The following DOK6 variants were observed in gnomAD, a reference collection of about 807,000 sequenced individuals.
DOK6 encodes the protein docking protein 6, also known as downstream of tyrosine kinase 6.
A neutral mutation model predicts 44.0 loss-of-function variants in DOK6; 22 were observed. That is an observed-to-expected ratio of 0.50 (90% CI 0.36 to 0.71). The LOEUF (loss-of-function observed/expected upper bound fraction) is 0.71. Among genes scored for constraint, DOK6 ranks in the 30% least tolerant of loss-of-function variants. The pLI is 0.00. For synonymous variants in DOK6, 166 were observed against 145.5 expected, an observed-to-expected ratio of 1.14 and a Z score of -1.01; for missense variants, 340 against 416.4, an observed-to-expected ratio of 0.82 and a Z score of 1.60.
At chr18:69,643,733 G>T (rs753470206) in intron 3 of DOK6, 4 of 152,094 alleles carry the variant, frequency 2.6e-5, no homozygotes, top group African/African-American at 7.2e-5. Flanking sequence ...GGATTTATGT[G>T]GACATGTTTT....
intron 5 of DOK6, among the ~76,000 whole-genome samples, chr18:69,719,256 G>T (rs71370311): frequency 0.046 from 7,071 of 152,244 alleles, 172 homozygotes; most frequent in Middle Eastern, 0.058. Flanking sequence ...ATTGGTTGGG[G>T]ATAAAAATCA....
At chr18:69,743,666 A>G (rs35850103) in intron 6 of DOK6, among the ~76,000 whole-genome samples, 81,341 of 151,594 alleles carry the variant, frequency 0.54, 24,770 homozygotes, top group East Asian at 0.69. Context: ...CAAGAATGAG[A>G]AAAAAAAAGA....
intron 1 of DOK6, among the ~76,000 whole-genome samples, chr18:69,486,053 A>G (rs1403353140): frequency 1.3e-5 from 2 of 151,506 alleles, no homozygotes; most frequent in South Asian, 2.1e-4. Context: ...AATAACACAT[A>G]TGAAGCAGGG....
At chr18:69,616,275 G>T (rs1280877182) in intron 3 of DOK6, among the ~76,000 whole-genome samples, 3 of 152,070 alleles carry the variant, frequency 2.0e-5, no homozygotes, top group Non-Finnish European at 2.9e-5. Context: ...ACTCATGACT[G>T]TCTGCTCTGC....
At chr18:69,730,309 T>G (rs570364134) in intron 5 of DOK6, among the ~76,000 whole-genome samples, 1 of 152,312 alleles carries the variant, frequency 6.6e-6, no homozygotes, top group East Asian at 1.9e-4. Flanking sequence ...AGGGGATAAG[T>G]CTAGTTGGGA....
At chr18:69,442,610 A>G (rs936129512) in intron 1 of DOK6, among the ~76,000 whole-genome samples, 2 of 152,120 alleles carry the variant, frequency 1.3e-5, no homozygotes, top group Admixed American at 1.3e-4. Context: ...TCAAGATGAG[A>G]TTTGGGTGGG....
intron 2 of DOK6, among the ~76,000 whole-genome samples, chr18:69,574,047 G>C (rs374912324): frequency 3.4e-4 from 51 of 152,098 alleles, no homozygotes; most frequent in Middle Eastern, 3.4e-3. Context: ...CCAAGGAAAA[G>C]AGATCTGCCC....
chr18:69,447,487 G>A (rs1568260982), intron 1 of DOK6, among the ~76,000 whole-genome samples: 4 of 152,166 alleles, frequency 2.6e-5, no homozygotes, highest in Non-Finnish European at 4.4e-5. Flanking sequence ...GTCAGGTAAC[G>A]TGATGCCTCC....
intron 3 of DOK6, among the ~76,000 whole-genome samples, chr18:69,611,241 T>C (rs1338990409): frequency 3.3e-5 from 5 of 152,180 alleles, no homozygotes; most frequent in Non-Finnish European, 7.3e-5. Context: ...AAATTAAAAC[T>C]GCAGTGAGGT....
intron 5 of DOK6, among the ~76,000 whole-genome samples, chr18:69,710,537 T>G (rs1986732455): frequency 6.6e-6 from 1 of 152,202 alleles, no homozygotes; most frequent in Admixed American, 6.5e-5. Context: ...GAACTTAATT[T>G]GTGTGGTAGA....
chr18:69,657,842 CT>C (rs1985408499), intron 3 of DOK6, among the ~76,000 whole-genome samples: 1 of 152,166 alleles, frequency 6.6e-6, no homozygotes, highest in Admixed American at 6.5e-5. Flanking sequence ...TAACTGGAAC[CT>C]TTCTGTTGGT....
Position 69,795,141 on chromosome 18 carries a change from C to A in DOK6, c.856+37268C>A, listed in dbSNP as rs1029193805. ...GTCCCTGGTGCTAAAAGGTTGTGGG[C>A]GTCTGATATAGTTTCATTTACAATA... is the stretch of plus-strand genomic sequence containing the variant. On this transcript the variant is annotated intron_variant, in intron 7 of 7. Coordinates refer to ENST00000382713, the MANE Select transcript of DOK6 (RefSeq NM_152721.6). Among the ~76,000 whole-genome samples, 3 of 152,072 alleles carry A rather than the reference C, an allele frequency of 2.0e-5. No homozygotes were observed. In the East Asian group the frequency reaches 5.8e-4, roughly 29 times the overall value.
At chr18:69,566,581 A>C (rs1197691354) in intron 2 of DOK6, among the ~76,000 whole-genome samples, 2 of 152,230 alleles carry the variant, frequency 1.3e-5, no homozygotes. Context: ...ATTTGGACAC[A>C]GATGGGCGTG....
At chr18:69,701,120 G>T (rs9963608) in intron 5 of DOK6, among the ~76,000 whole-genome samples, 88,030 of 152,024 alleles carry the variant, frequency 0.58, 25,754 homozygotes, top group East Asian at 0.82. Context: ...ATGAACAGTA[G>T]GAATGGATAT....
intron 7 of DOK6, among the ~76,000 whole-genome samples, chr18:69,817,487 G>A (rs1981434931): frequency 6.6e-6 from 1 of 152,108 alleles, no homozygotes; most frequent in South Asian, 2.1e-4. Flanking sequence ...CTGAAAGTCT[G>A]AGGGCTCTCT....
At chr18:69,815,334 A>G (rs1472798470) in intron 7 of DOK6, among the ~76,000 whole-genome samples, 1 of 152,158 alleles carries the variant, frequency 6.6e-6, no homozygotes, top group African/African-American at 2.4e-5. Flanking sequence ...TTTATATTGT[A>G]TTATCTCACT....
intron 2 of DOK6, among the ~76,000 whole-genome samples, chr18:69,587,827 G>A (rs796507177): frequency 2.6e-5 from 4 of 151,176 alleles, no homozygotes; most frequent in Admixed American, 6.6e-5. Flanking sequence ...CTACTTCGGC[G>A]CCTATATTTC....
chr18:69,513,388 ACG>A (rs1257081511), intron 1 of DOK6, among the ~76,000 whole-genome samples: 5 of 152,198 alleles, frequency 3.3e-5, no homozygotes, highest in Admixed American at 6.5e-5. Context: ...TCACGCACAC[ACG>A]CACACTCTCT....
intron 6 of DOK6, among the ~76,000 whole-genome samples, chr18:69,748,293 G>A (rs1979055497): frequency 6.6e-6 from 1 of 151,954 alleles, no homozygotes; most frequent in African/African-American, 2.4e-5. Flanking sequence ...CAATAATAGT[G>A]GGAGAATTTA....
Sources: gnomAD v4.1 joint callset for allele counts (sites outside exome capture counted in the v4.1 genomes callset) on GRCh38, gnomAD v4.1.1 for gene constraint, MANE v1.5 for transcripts, NCBI Gene and HGNC (gene_info 2026-07-23, HGNC 2026-07-21) for gene names.